The following GPC6 variants were observed in gnomAD, a reference collection of about 807,000 sequenced individuals.
GPC6 encodes the protein glypican-6.
A neutral mutation model predicts 55.2 loss-of-function variants in GPC6; 14 were observed. That is an observed-to-expected ratio of 0.25 (90% CI 0.17 to 0.40). The LOEUF (loss-of-function observed/expected upper bound fraction) is 0.40. Among genes scored for constraint, GPC6 ranks in the 10% least tolerant of loss-of-function variants. GPC6 has a pLI of 1.00. For missense variants in GPC6, 641 were observed against 708.5 expected (o/e 0.90, Z 1.08); for synonymous variants, 278 against 259.6 (o/e 1.07, Z -0.68).
chr13:93,258,837 C>T (rs1877040626), intron 1 of GPC6, among the ~76,000 whole-genome samples: 1 of 152,040 alleles, frequency 6.6e-6, no homozygotes. Flanking sequence ...GTAGTCCTAG[C>T]TACTTGGGAG....
intron 4 of GPC6, among the ~76,000 whole-genome samples, chr13:94,115,374 T>C (rs1396737008): frequency 3.3e-5 from 5 of 152,084 alleles, no homozygotes; most frequent in Admixed American, 2.0e-4. Flanking sequence ...TTTAGTATTA[T>C]GTAGGTTCAA....
intron 2 of GPC6, among the ~76,000 whole-genome samples, chr13:93,672,270 G>A (rs1881392287): frequency 6.6e-6 from 1 of 150,840 alleles, no homozygotes; most frequent in African/African-American, 2.4e-5. Context: ...ATATGTTTAA[G>A]AGAAATTCCA....
At chr13:94,374,140 G>T (rs1046273462) in intron 6 of GPC6, among the ~76,000 whole-genome samples, 96 of 151,542 alleles carry the variant, frequency 6.3e-4, no homozygotes, top group Admixed American at 1.2e-3. Flanking sequence ...TCGAGACTAG[G>T]AAGAAACTGC....
intron 6 of GPC6, among the ~76,000 whole-genome samples, chr13:94,329,854 C>T (rs1877319649): frequency 6.6e-6 from 1 of 152,084 alleles, no homozygotes; most frequent in South Asian, 2.1e-4. Context: ...AAATTTTACC[C>T]TTTCCCATAA....
chr13:93,485,135 G>A (rs1210433447), intron 1 of GPC6, among the ~76,000 whole-genome samples: 1 of 152,076 alleles, frequency 6.6e-6, no homozygotes, highest in Non-Finnish European at 1.5e-5. Context: ...GCTTTTTAAA[G>A]GAATTAATTC....
chr13:94,123,141 G>C (rs1886694205), intron 4 of GPC6, among the ~76,000 whole-genome samples: 2 of 151,944 alleles, frequency 1.3e-5, no homozygotes, highest in Admixed American at 1.3e-4. Context: ...TAAAAAAACT[G>C]TGAGACATAG....
chr13:94,188,822 C>T (rs1889290456), intron 4 of GPC6, among the ~76,000 whole-genome samples: 1 of 152,182 alleles, frequency 6.6e-6, no homozygotes, highest in African/African-American at 2.4e-5. Flanking sequence ...GAAAGAGAGA[C>T]TGAGACTCAA....
intron 4 of GPC6, among the ~76,000 whole-genome samples, chr13:94,201,500 G>A (rs983916441): frequency 6.6e-6 from 1 of 151,780 alleles, no homozygotes; most frequent in Non-Finnish European, 1.5e-5. Flanking sequence ...ACACCTTTGG[G>A]GAATACTATT....
chr13:93,963,735 G>C (rs1283454209), intron 3 of GPC6, among the ~76,000 whole-genome samples: 1 of 152,122 alleles, frequency 6.6e-6, no homozygotes, highest in African/African-American at 2.4e-5. Flanking sequence ...GAAAATCCTT[G>C]TGTACACAAT....
intron 1 of GPC6, among the ~76,000 whole-genome samples, chr13:93,312,402 T>G (rs148284612): frequency 1.3e-5 from 2 of 152,296 alleles, no homozygotes; most frequent in African/African-American, 4.8e-5. Context: ...TTGCTTGCTA[T>G]TTTGAGTTTT....
At position 94,067,970 on chromosome 13, in the gene GPC6, G is replaced by A. The variant is rs1293508203; in HGVS notation, c.877+40076G>A. Among the ~76,000 whole-genome samples the A allele has an allele frequency of 2.0e-5, 3 of 152,206 alleles. No homozygotes were observed. The South Asian group carries it at 6.2e-4, about 32-fold the overall frequency. On this transcript the variant is annotated intron_variant, in intron 4 of 8. Transcript: ENST00000377047. ...TTATGTAGGAAAGATGGACTCCTCA[G>A]TGGTGGCACTTCATGAATTATTTTT... is the stretch of plus-strand genomic sequence containing the variant.
At chr13:93,426,002 C>A (rs904533961) in intron 1 of GPC6, among the ~76,000 whole-genome samples, 1 of 152,174 alleles carries the variant, frequency 6.6e-6, no homozygotes. Flanking sequence ...CTCTTTGAAG[C>A]CTTTACCACC....
chr13:93,637,993 T>C (rs923528930), intron 2 of GPC6, among the ~76,000 whole-genome samples: 3 of 152,004 alleles, frequency 2.0e-5, no homozygotes, highest in African/African-American at 7.2e-5. Context: ...AAATAAAAAA[T>C]AATAAATTAT....
chr13:94,188,696 T>C (rs1164247929), intron 4 of GPC6, among the ~76,000 whole-genome samples: 1 of 152,140 alleles, frequency 6.6e-6, no homozygotes, highest in Non-Finnish European at 1.5e-5. Context: ...GTTCTGAGGA[T>C]TGGCTGCTCA....
chr13:93,535,266 A>G (rs951111388), intron 1 of GPC6, among the ~76,000 whole-genome samples: 62 of 152,184 alleles, frequency 4.1e-4, no homozygotes, highest in African/African-American at 1.5e-3. Context: ...TTCAAAAGTT[A>G]TAACTTTGGA....
At chr13:94,202,421 CA>C (rs1450639907) in intron 4 of GPC6, among the ~76,000 whole-genome samples, 2 of 152,178 alleles carry the variant, frequency 1.3e-5, no homozygotes, top group Admixed American at 6.5e-5. Context: ...TGGTGAAAGG[CA>C]AAAGGCATGT....
intron 1 of GPC6, among the ~76,000 whole-genome samples, chr13:93,329,017 G>A (rs1242100321): frequency 1.3e-5 from 2 of 152,098 alleles, no homozygotes; most frequent in Non-Finnish European, 2.9e-5. Flanking sequence ...TTGGATCTGT[G>A]TGTTTTTAAA....
intron 2 of GPC6, among the ~76,000 whole-genome samples, chr13:93,545,999 T>A (rs1266440722): frequency 6.6e-6 from 1 of 152,258 alleles, no homozygotes; most frequent in Non-Finnish European, 1.5e-5. Flanking sequence ...TAAACATTTT[T>A]ATATTACAAA....
chr13:93,513,287 G>A (rs1421148116), intron 1 of GPC6, among the ~76,000 whole-genome samples: 4 of 152,058 alleles, frequency 2.6e-5, no homozygotes, highest in Admixed American at 1.3e-4. Flanking sequence ...CTCAGTCCCC[G>A]GATGCCCCTG....
Sources: allele counts gnomAD v4.1 joint callset (sites outside exome capture counted in the v4.1 genomes callset), GRCh38; gene constraint gnomAD v4.1.1; transcripts MANE v1.5; gene names NCBI Gene and HGNC (gene_info 2026-07-23, HGNC 2026-07-21).